The following FBXL18 variants were observed in gnomAD, a reference collection of about 807,000 sequenced individuals.
FBXL18 encodes F-box and leucine rich repeat protein 18.
Under a neutral mutation model 46.0 loss-of-function variants are expected in FBXL18, and 36 were observed. The ratio of observed to expected loss-of-function variants is 0.78; its 90% CI spans 0.60 to 1.03. The LOEUF is 1.03. FBXL18 is among the 50% of genes least tolerant of loss of function. FBXL18 has a pLI of 0.00. For missense variants in FBXL18, 977 were observed against 1,004.1 expected, an observed-to-expected ratio of 0.97 and a Z score of 0.36; for synonymous variants, 557 against 465.3, an observed-to-expected ratio of 1.20 and a Z score of -2.54.
chr7:5,507,239 A>G (rs2966439), intron 1 of FBXL18, among the ~76,000 whole-genome samples: 151,724 of 152,286 alleles, frequency 1, 75,583 homozygotes, highest in East Asian at 1. Flanking sequence ...CGTGAAGGCC[A>G]TGGAGGAAGA....
downstream of FBXL18, among the ~76,000 whole-genome samples, chr7:5,473,205 AT>A (rs1783456825): frequency 6.6e-6 from 1 of 152,108 alleles, no homozygotes; most frequent in South Asian, 2.1e-4. Flanking sequence ...CTATGTCGCC[AT>A]TTCTGCCAGA....
chr7:5,487,762 G>A (rs554835691), intron 4 of FBXL18, among the ~76,000 whole-genome samples: 66 of 152,084 alleles, frequency 4.3e-4, no homozygotes, highest in Middle Eastern at 3.4e-3. Flanking sequence ...GGCACACTGC[G>A]AACACGGACG....
chr7:5,482,847 G>A (rs1037917097), intron 4 of FBXL18, among the ~76,000 whole-genome samples: 6 of 152,022 alleles, frequency 3.9e-5, no homozygotes, highest in Non-Finnish European at 7.4e-5. Context: ...AACAGCCTGG[G>A]CAACATAGGG....
chr7:5,470,815 C>T (rs537265613), downstream of FBXL18, among the ~76,000 whole-genome samples: 9 of 152,290 alleles, frequency 5.9e-5, no homozygotes, highest in Admixed American at 2.0e-4. Flanking sequence ...GCTCTCCCAG[C>T]GCGGCCGGCT....
In FBXL18 at chr7:5,481,847, G is replaced by T; in HGVS notation, c.2085C>A (p.Pro695=). 2 of 1,613,890 alleles carry T rather than the reference G, an allele frequency of 1.2e-6. No homozygotes were observed. The highest frequency in any genetic ancestry group is 1.7e-6 in the Non-Finnish European group (2 of 1,180,002). Residue 695 remains proline (P), a synonymous_variant, in exon 5 of 5, where the codon CCC becomes CCA. Transcript: ENST00000382368. ...AGGTGATCTCATCCAGGTGCACCAG[G>T]GGGACGTCCCGGATGACGTCGGTCA... The part of the protein sequence containing the change: ...EGLTDVIRDV[P]LVHLDEITLF...
chr7:5,513,781 C>A lies in FBXL18; in HGVS notation c.-107G>T. 1.4e-6 allele frequency: 2 copies of A among 1,465,118 alleles called. No individual in the cohort carries two copies. Among genetic ancestry groups the A allele is most frequent in the Non-Finnish European group, 1.8e-6 (2 of 1,086,696 alleles). The allele number at this position is 1,465,118 out of a possible 1,614,324, so 90.8% of individuals were successfully genotyped here. On this transcript the variant is annotated 5_prime_UTR_variant, in exon 1 of 5. Transcript: ENST00000382368. ...GCGCGTCCACCGCTCAACCGAGACC[C>A]CGGCAAGGAGCGGGCTCTCGTCACT...
intron 4 of FBXL18, among the ~76,000 whole-genome samples, chr7:5,484,774 G>A (rs1381835791): frequency 6.6e-6 from 1 of 151,752 alleles, no homozygotes; most frequent in East Asian, 1.9e-4. Context: ...AAGCAGCCAG[G>A]ATTACAGGTG....
intron 4 of FBXL18, among the ~76,000 whole-genome samples, chr7:5,486,271 G>GAAA (rs1783774534): frequency 3.3e-5 from 2 of 60,460 alleles, no homozygotes; most frequent in African/African-American, 8.0e-5. Flanking sequence ...AAAAAAAAAT[G>GAAA]AGCTGGTTGT....
chr7:5,511,040 G>C (rs988340166), intron 1 of FBXL18, among the ~76,000 whole-genome samples: 1 of 152,200 alleles, frequency 6.6e-6, no homozygotes, highest in Non-Finnish European at 1.5e-5. Flanking sequence ...CCCTTCCTTT[G>C]TAGAGATGGA....
At chr7:5,470,927 C>T (rs980629411), downstream of FBXL18, among the ~76,000 whole-genome samples, 1 of 152,132 alleles carries the variant, frequency 6.6e-6, no homozygotes, top group Non-Finnish European at 1.5e-5. Flanking sequence ...TCCCTGTGTC[C>T]TTGCCAATGG....
At chr7:5,481,980 G>C (rs1209484633) in intron 4 of FBXL18, 49 bp from the exon 5 acceptor site, 6 of 1,547,350 alleles carry the variant, frequency 3.9e-6, no homozygotes, top group Non-Finnish European at 5.2e-6. Context: ...GCCACGGAGG[G>C]GGCGGAGCCT....
In FBXL18 at chr7:5,505,480, G is replaced by A. The variant is rs368029192; in HGVS notation, c.169C>T (p.Arg57Trp). 9 of 1,614,138 alleles carry A rather than the reference G, an allele frequency of 5.6e-6. No homozygotes were observed. The highest frequency in any genetic ancestry group is 2.2e-5 in the East Asian group (1 of 44,884). ...DLILNVRRTC[R>W]KLAALCLDKS... The stretch of plus-strand genomic sequence containing the variant: ...TCAAGGCACAGGGCTGCAAGCTTCC[G>A]ACAGGTACGCCGGACGTTCAGAATC... Residue 57 changes from arginine to tryptophan, a missense_variant, in exon 2 of 5, where the codon CGG becomes TGG. Coordinates refer to ENST00000382368, the MANE Select transcript of FBXL18 (RefSeq NM_024963.6).
rs570532250 is a variant in FBXL18, at chr7:5,484,344, G to A, written c.2001-2413C>T. Reference sequence around the variant, plus strand: ...AAATTAGCCGGGCGTGGTGGTGGGCGCCTGTAGTCCCAGCTATTCGGAAGG... The same window carrying A: ...AAATTAGCCGGGCGTGGTGGTGGGCACCTGTAGTCCCAGCTATTCGGAAGG... On this transcript the variant is annotated intron_variant, in intron 4 of 4. Transcript: ENST00000382368. Among the ~76,000 whole-genome samples, 504 of 152,046 alleles carry A rather than the reference G, an allele frequency of 3.3e-3. 4 individuals carry two copies. The highest frequency in any genetic ancestry group is 0.01 in the Middle Eastern group (3 of 292).
intron 4 of FBXL18, chr7:5,489,084 A>G (rs1216388696): frequency 6.4e-6 from 2 of 312,800 alleles, no homozygotes; most frequent in African/African-American, 4.4e-5. Flanking sequence ...GTCAAGATCC[A>G]AAGCAAAGTC....
At position 5,477,226 on chromosome 7, in the gene FBXL18, T is replaced by C. The variant is rs1783537087; in HGVS notation, c.*4549A>G. Reference sequence around the variant, plus strand: ...CTAACTTGAATCCCACACCCCCAAGTGCAAATGAGACCCATGACCATCACA... The same window carrying C: ...CTAACTTGAATCCCACACCCCCAAGCGCAAATGAGACCCATGACCATCACA... On this transcript the variant is annotated 3_prime_UTR_variant, in exon 5 of 5. Transcript: ENST00000382368. This position sits in a 1 kb window ranked among gnomAD's most constrained non-coding sequence, Gnocchi z 4.4. Among the ~76,000 whole-genome samples, 1 of 152,006 alleles carries C rather than the reference T, an allele frequency of 6.6e-6. No individual in the cohort carries two copies. Among genetic ancestry groups the C allele is most frequent in the Non-Finnish European group, 1.5e-5 (1 of 67,990 alleles).
In FBXL18 at chr7:5,501,216, G is replaced by A; in HGVS notation, c.1053C>T (p.Ser351=). ...CTGGGGACAGGCAGTGGACGCAGCC[G>A]CTGAGGTTCAAGCTGGCCAGGCTCC... ...DLRSLASLNL[S]GCVHCLSPDS... is the part of the protein sequence containing the mutation. The change falls in exon 3 of 5, where the codon AGC becomes AGT. Residue 351 remains serine, a synonymous_variant. Transcript: ENST00000382368. 2 of 1,613,134 alleles carry A rather than the reference G, an allele frequency of 1.2e-6. No individual in the cohort carries two copies. The highest frequency in any genetic ancestry group is 1.7e-6 in the Non-Finnish European group (2 of 1,179,674).
intron 2 of FBXL18, among the ~76,000 whole-genome samples, chr7:5,504,251 G>A (rs1371500549): frequency 1.3e-5 from 2 of 151,704 alleles, no homozygotes; most frequent in Non-Finnish European, 2.9e-5. Flanking sequence ...CCAACATGAT[G>A]AAACCCTGCC....
At chr7:5,454,874 G>T (rs550331976) in intron 4 of FBXL18, among the ~76,000 whole-genome samples, 1 of 152,366 alleles carries the variant, frequency 6.6e-6, no homozygotes, top group Admixed American at 6.5e-5. Flanking sequence ...CGAGCTGCCA[G>T]TGAGAGAGGA....
At chr7:5,486,389 A>G (rs950502820) in intron 4 of FBXL18, among the ~76,000 whole-genome samples, 1 of 152,092 alleles carries the variant, frequency 6.6e-6, no homozygotes, top group African/African-American at 2.4e-5. Flanking sequence ...ACTGCACTCC[A>G]GCCTGGGAAA....
Sources: gnomAD v4.1 joint callset for allele counts (sites outside exome capture counted in the v4.1 genomes callset) on GRCh38, gnomAD v4.1.1 for gene constraint, Gnocchi (gnomAD v3.1) non-coding constraint, MANE v1.5 for transcripts, NCBI Gene and HGNC (gene_info 2026-07-23, HGNC 2026-07-21) for gene names.